The following RARS2 variants were observed in gnomAD, a reference collection of about 807,000 sequenced individuals.
RARS2 encodes arginyl-tRNA synthetase 2, mitochondrial.
RARS2 carries 67 observed loss-of-function variants against 88.5 expected under a neutral mutation model. The observed-to-expected ratio is 0.76, with a 90% confidence interval of 0.62 to 0.93. RARS2 has a LOEUF of 0.93. Ranked by LOEUF, RARS2 falls within the 40% of genes least tolerant of loss-of-function variation. The pLI, the probability that RARS2 is intolerant of heterozygous loss-of-function variation, is 0.00. For synonymous variants in RARS2, 239 were observed against 230.3 expected (o/e 1.04, Z -0.34); for missense variants, 664 against 684.2 (o/e 0.97, Z 0.33).
intron 8 of RARS2, among the ~76,000 whole-genome samples, chr6:87,537,213 G>C (rs1554190979): frequency 6.6e-6 from 1 of 152,244 alleles, no homozygotes; most frequent in Non-Finnish European, 1.5e-5. Context: ...CCAGAAGGTT[G>C]AAAGTGCCAA....
rs973506161 is a variant in RARS2, at chr6:87,534,176, GTTTA to G, written c.613-3238_613-3235del. Among the ~76,000 whole-genome samples, 10 of 152,116 alleles carry G rather than the reference GTTTA, an allele frequency of 6.6e-5. No individual in the cohort carries two copies. The East Asian group carries it at 1.9e-3, about 29-fold the overall frequency. On this transcript the variant is annotated intron_variant, in intron 8 of 19. Transcript: ENST00000369536. ...TGAAAAATTAAAGACATTCAAATGTGTTTATATAATTAAAATTGAATGTATCAAT... is the reference window on the plus strand; with the variant it reads ...TGAAAAATTAAAGACATTCAAATGTGTATAATTAAAATTGAATGTATCAAT...
In RARS2 at chr6:87,555,494, T is replaced by C. The variant is rs567566932; in HGVS notation, c.309A>G (p.Gln103=). 9 of 1,611,898 alleles carry C rather than the reference T, an allele frequency of 5.6e-6. No individual in the cohort carries two copies. The highest frequency in any genetic ancestry group is 1.7e-5 in the Admixed American group (1 of 59,992). Residue 103 remains glutamine (Q), a synonymous_variant, in exon 5 of 20, where the codon CAA becomes CAG. Transcript: ENST00000369536. ...NRELLTKTVL[Q]QVIEDGSKYG... The stretch of plus-strand genomic sequence containing the variant: ...ATTTTGAGCCATCTTCAATTACTTG[T>C]TGTAGCACTGTCTGAAAATTAAAGG...
chr6:87,544,186 T>A (rs1280024907), intron 7 of RARS2, among the ~76,000 whole-genome samples: 3 of 152,198 alleles, frequency 2.0e-5, no homozygotes, highest in Admixed American at 6.5e-5. Context: ...TCGGTCAAAT[T>A]AATAAAAATC....
intron 1 of RARS2, among the ~76,000 whole-genome samples, chr6:87,579,699 A>T (rs1582862254): frequency 7.3e-6 from 1 of 137,868 alleles, no homozygotes; most frequent in South Asian, 2.5e-4. Context: ...ATTGAGAGCC[A>T]CCGAGCATAG....
intron 5 of RARS2, 75 bp downstream of exon 5, chr6:87,555,333 C>T: frequency 8.7e-7 from 1 of 1,146,046 alleles, no homozygotes; most frequent in Non-Finnish European, 1.3e-6. Flanking sequence ...TTAAGACCCC[C>T]AAATAATGAT....
At chr6:87,554,971 G>A (rs1214074005) in intron 5 of RARS2, among the ~76,000 whole-genome samples, 1 of 152,058 alleles carries the variant, frequency 6.6e-6, no homozygotes, top group East Asian at 1.9e-4. Flanking sequence ...AGGTATGGTG[G>A]CGGGCGCCTG....
intron 1 of RARS2, chr6:87,584,685 C>T: frequency 2.1e-6 from 1 of 467,176 alleles, no homozygotes; most frequent in South Asian, 1.5e-5. Context: ...TGCTGAGAGA[C>T]TGAAGAAAGC....
chr6:87,575,275 A>ACC (rs1163032372), intron 1 of RARS2, among the ~76,000 whole-genome samples: 3 of 140,324 alleles, frequency 2.1e-5, no homozygotes, highest in South Asian at 2.2e-4. Context: ...ACACACACAC[A>ACC]CACCTTGGCT....
intron 2 of RARS2, among the ~76,000 whole-genome samples, chr6:87,565,803 G>T (rs1431914397): frequency 6.6e-6 from 1 of 152,198 alleles, no homozygotes; most frequent in African/African-American, 2.4e-5. Context: ...GAGTAAGAGG[G>T]TTGAAACTTT....
chr6:87,549,719 C>T (rs1418922865), intron 5 of RARS2, among the ~76,000 whole-genome samples: 1 of 152,130 alleles, frequency 6.6e-6, no homozygotes, highest in Non-Finnish European at 1.5e-5. Flanking sequence ...GCACTCACTA[C>T]CTGACAGGCA....
At chr6:87,558,135 C>T (rs943989157) in intron 4 of RARS2, among the ~76,000 whole-genome samples, 1 of 151,824 alleles carries the variant, frequency 6.6e-6, no homozygotes, top group Non-Finnish European at 1.5e-5. Context: ...CAAGATCACG[C>T]CATTGCACTC....
At position 87,579,767 on chromosome 6, in the gene RARS2, G is replaced by C. The variant is rs570140808; in HGVS notation, c.36+10155C>G. Among the ~76,000 whole-genome samples, 4 of 111,930 alleles carry C rather than the reference G, an allele frequency of 3.6e-5. No individual in the cohort carries two copies. In the Admixed American group the frequency reaches 5.7e-4, roughly 16 times the overall value. The allele number at this position is 111,930 out of a possible 152,430, so 73.4% of individuals were successfully genotyped here. A position where few individuals can be genotyped will look rare whatever the true frequency, so the allele number is the denominator to read the frequency against. On this transcript the variant is annotated intron_variant, in intron 1 of 19. Transcript: ENST00000369536. ...TTTTGAGACAGAGTCTCGCTCTGTC[G>C]CCAGGCTGGAGTGCAGTGATGCAAT...
chr6:87,580,335 G>C (rs575588157), intron 1 of RARS2, among the ~76,000 whole-genome samples: 106 of 152,080 alleles, frequency 7.0e-4, no homozygotes, highest in Non-Finnish European at 1.3e-3. Flanking sequence ...TCCTAAAAAG[G>C]TTACACAATG....
intron 1 of RARS2, 72 bp from the exon 2 acceptor site, chr6:87,569,662 T>A (rs1351461817): frequency 8.4e-7 from 1 of 1,193,996 alleles, no homozygotes; most frequent in African/African-American, 1.5e-5. Flanking sequence ...ATACCACTTG[T>A]AAGAATAAAC....
At chr6:87,535,589 A>C (rs1387836236) in intron 8 of RARS2, among the ~76,000 whole-genome samples, 1 of 152,074 alleles carries the variant, frequency 6.6e-6, no homozygotes, top group Admixed American at 6.6e-5. Flanking sequence ...GAAAGGGGCA[A>C]GGTAGAAATA....
intron 1 of RARS2, among the ~76,000 whole-genome samples, chr6:87,576,837 T>C (rs1238063932): frequency 6.6e-6 from 1 of 152,188 alleles, no homozygotes; most frequent in Non-Finnish European, 1.5e-5. Context: ...TTGCTAAATT[T>C]TGAAAATAAA....
chr6:87,527,224 G>A (rs1193459198), intron 10 of RARS2, among the ~76,000 whole-genome samples: 1 of 151,940 alleles, frequency 6.6e-6, no homozygotes, highest in Non-Finnish European at 1.5e-5. Context: ...CAGGAGATTC[G>A]CTTGAACCTG....
At chr6:87,524,536 A>AC (rs1208808660) in intron 11 of RARS2, 21 bp downstream of exon 11, 18 of 1,545,870 alleles carry the variant, frequency 1.2e-5, no homozygotes, top group Non-Finnish European at 1.5e-5. Context: ...CCAAATGTTG[A>AC]CCCTCACAGA....
chr6:87,552,119 T>C (rs1449405464), intron 5 of RARS2, among the ~76,000 whole-genome samples: 3 of 152,192 alleles, frequency 2.0e-5, no homozygotes, highest in Admixed American at 2.0e-4. Context: ...AATCAAGAGT[T>C]AGCTCTGTGA....
Sources: gnomAD v4.1 joint callset for allele counts (sites outside exome capture counted in the v4.1 genomes callset) on GRCh38, gnomAD v4.1.1 for gene constraint, MANE v1.5 for transcripts, NCBI Gene and HGNC (gene_info 2026-07-23, HGNC 2026-07-21) for gene names.